GABBR2: variants seen among roughly 807,000 people sequenced by gnomAD.
The protein encoded by GABBR2 is gamma-aminobutyric acid type B receptor subunit 2.
GABBR2 carries 23 observed loss-of-function variants against 105.6 expected under a neutral mutation model. The ratio of observed to expected loss-of-function variants is 0.22; its 90% CI spans 0.16 to 0.31. The LOEUF is 0.31. Among genes scored for constraint, GABBR2 ranks in the 10% least tolerant of loss-of-function variants. The pLI is 1.00. For synonymous variants in GABBR2, 478 were observed against 499.7 expected, an observed-to-expected ratio of 0.96 and a Z score of 0.58; for missense variants, 734 against 1,245.5, an observed-to-expected ratio of 0.59 and a Z score of 6.18.
At chr9:98,457,733 A>G (rs182151853) in intron 6 of GABBR2, among the ~76,000 whole-genome samples, 348 of 152,310 alleles carry the variant, frequency 2.3e-3, no homozygotes, top group African/African-American at 8.0e-3. Flanking sequence ...CGTTGCTGCC[A>G]CATGATATCC....
intron 1 of GABBR2, among the ~76,000 whole-genome samples, chr9:98,664,299 T>C (rs910241615): frequency 6.6e-6 from 1 of 152,140 alleles, no homozygotes; most frequent in Non-Finnish European, 1.5e-5. Context: ...CCCATTGTAT[T>C]CCCATTTAAT....
chr9:98,367,187 A>T, intron 12 of GABBR2, among the ~76,000 whole-genome samples: 1 of 102,590 alleles, frequency 9.7e-6, no homozygotes, highest in African/African-American at 7.2e-5. Context: ...GCCATCATGG[A>T]TGAGGGAGGA....
chr9:98,464,668 C>T (rs1435864364), intron 6 of GABBR2, among the ~76,000 whole-genome samples: 2 of 151,308 alleles, frequency 1.3e-5, no homozygotes, highest in South Asian at 2.1e-4. Flanking sequence ...GCAGTTTTGT[C>T]GAAAAGAAAA....
chr9:98,331,550 G>A lies in GABBR2; in HGVS notation c.1894-20345C>T, dbSNP rs143419385. On this transcript the variant is annotated intron_variant, in intron 13 of 18. Coordinates refer to ENST00000259455, the MANE Select transcript of GABBR2 (RefSeq NM_005458.8). ...ATTAACTTGTCCCCCTGGACTGGGG[G>A]AGTCCTGAGATCAGGGGCTGCACCT... Among the ~76,000 whole-genome samples the A allele has an allele frequency of 3.0e-4, 45 of 152,186 alleles. No homozygotes were observed. In the East Asian group the frequency reaches 8.5e-3, roughly 29 times the overall value.
chr9:98,505,021 C>T (rs1244117828), intron 3 of GABBR2, among the ~76,000 whole-genome samples: 2 of 152,202 alleles, frequency 1.3e-5, no homozygotes, highest in South Asian at 2.1e-4. Context: ...TGCGCACCCC[C>T]GTGGTGCTGG....
At chr9:98,635,643 T>A (rs980478547) in intron 1 of GABBR2, among the ~76,000 whole-genome samples, 1 of 152,044 alleles carries the variant, frequency 6.6e-6, no homozygotes, top group Non-Finnish European at 1.5e-5. Context: ...GTAGGTTGGG[T>A]CTTTAAGTCA....
At chr9:98,535,750 G>A (rs568151352) in intron 3 of GABBR2, among the ~76,000 whole-genome samples, 23 of 152,096 alleles carry the variant, frequency 1.5e-4, no homozygotes, top group African/African-American at 4.8e-4. Context: ...AGTTAAATGC[G>A]TATTAAAGAA....
chr9:98,454,189 T>G lies in GABBR2; in HGVS notation c.1028A>C (p.Asn343Thr). ...GGGCCCCACGCCTGACCGCTTGTTG[T>G]TGTACTCTCTCTCATACTGCTGTGG... ...KTPQQYEREY[N>T]NKRSGVGPSK... Residue 343 changes from asparagine (N) to threonine (T), a missense_variant, in exon 7 of 19, where the codon AAC (asparagine) becomes ACC (threonine). This residue lies in a region of GABBR2 where 370 missense variants were observed against 648.9 expected (regional missense o/e 0.57). Coordinates refer to ENST00000259455, the MANE Select transcript of GABBR2 (RefSeq NM_005458.8). This position sits in a 1 kb window ranked among gnomAD's most constrained non-coding sequence, Gnocchi z 4.6. 6.2e-7 allele frequency: 1 copy of G among 1,613,882 alleles called. No individual in the cohort carries two copies. Among genetic ancestry groups the G allele is most frequent in the African/African-American group, 1.3e-5 (1 of 75,042 alleles).
intron 3 of GABBR2, among the ~76,000 whole-genome samples, chr9:98,506,268 G>A (rs1378205382): frequency 6.6e-6 from 1 of 152,196 alleles, no homozygotes; most frequent in African/African-American, 2.4e-5. Context: ...TATGGGGGCT[G>A]TAACATTTTC....
intron 7 of GABBR2, among the ~76,000 whole-genome samples, chr9:98,448,471 C>T (rs543619978): frequency 1.3e-5 from 2 of 151,550 alleles, no homozygotes; most frequent in Non-Finnish European, 2.9e-5. Context: ...CTCTATTGCT[C>T]AGGCTGAAGT....
At chr9:98,535,465 CA>C (rs111401823) in intron 3 of GABBR2, among the ~76,000 whole-genome samples, 1,679 of 149,892 alleles carry the variant, frequency 0.011, 25 homozygotes, top group African/African-American at 0.036. Context: ...AAAAATAACA[CA>C]AAAAAAAACC....
intron 1 of GABBR2, among the ~76,000 whole-genome samples, chr9:98,708,001 G>A (rs181426076): frequency 6.6e-6 from 1 of 152,230 alleles, no homozygotes; most frequent in Non-Finnish European, 1.5e-5. Flanking sequence ...CTCCGGCCCT[G>A]GGTGGCCCAG....
chr9:98,374,645 A>T (rs1000229079), intron 11 of GABBR2, among the ~76,000 whole-genome samples: 1 of 152,176 alleles, frequency 6.6e-6, no homozygotes, highest in African/African-American at 2.4e-5. Flanking sequence ...TGGGCGTGTC[A>T]TCTCTAATGT....
At chr9:98,507,273 C>A (rs889801059) in intron 3 of GABBR2, among the ~76,000 whole-genome samples, 1 of 152,114 alleles carries the variant, frequency 6.6e-6, no homozygotes, top group African/African-American at 2.4e-5. Context: ...GATGGAGCAA[C>A]CATCTGGGAT....
At chr9:98,491,147 C>T (rs1462661233) in intron 4 of GABBR2, among the ~76,000 whole-genome samples, 2 of 151,982 alleles carry the variant, frequency 1.3e-5, no homozygotes, top group Admixed American at 6.6e-5. Context: ...AATAATAGTC[C>T]GTGAGCATGT....
chr9:98,293,512 G>A (rs1337168771), intron 18 of GABBR2, among the ~76,000 whole-genome samples: 2 of 152,222 alleles, frequency 1.3e-5, no homozygotes, highest in Non-Finnish European at 2.9e-5. Context: ...GCAGCGTCTT[G>A]TGGTAGACAA....
At chr9:98,495,043 C>T (rs537140529) in intron 4 of GABBR2, among the ~76,000 whole-genome samples, 2 of 152,358 alleles carry the variant, frequency 1.3e-5, no homozygotes, top group Admixed American at 6.5e-5. Flanking sequence ...GCAGCCACCC[C>T]ACCCCTGAAT....
chr9:98,520,246 G>A (rs72603696), intron 3 of GABBR2, among the ~76,000 whole-genome samples: 17,294 of 152,222 alleles, frequency 0.11, 1,651 homozygotes, highest in East Asian at 0.5. Flanking sequence ...ATGGGATTGG[G>A]GGAAGGAGAG....
At chr9:98,369,968 G>GC (rs1434924910) in intron 12 of GABBR2, among the ~76,000 whole-genome samples, 1 of 152,102 alleles carries the variant, frequency 6.6e-6, no homozygotes. Context: ...ATCACTGGGT[G>GC]GCTTGATAGG....
Sources: allele counts gnomAD v4.1 joint callset (sites outside exome capture counted in the v4.1 genomes callset), GRCh38; gene constraint gnomAD v4.1.1; regional missense constraint gnomAD v4.1.1; non-coding constraint Gnocchi (gnomAD v3.1); transcripts MANE v1.5; gene names NCBI Gene and HGNC (gene_info 2026-07-23, HGNC 2026-07-21).